Variants in UNC5C observed in about 807,000 individuals in gnomAD.
UNC5C encodes netrin receptor UNC5C.
Under a neutral mutation model 99.8 loss-of-function variants are expected in UNC5C, and 47 were observed. That is an observed-to-expected ratio of 0.47 (90% CI 0.37 to 0.60). UNC5C has a LOEUF of 0.60. Ranked by LOEUF, UNC5C falls within the 20% of genes least tolerant of loss-of-function variation. The pLI is 0.00. For synonymous variants in UNC5C, 487 were observed against 452.2 expected (o/e 1.08, Z -0.98); for missense variants, 1,062 against 1,165.9 (o/e 0.91, Z 1.30).
At chr4:95,193,193 G>A (rs1163305979) in intron 12 of UNC5C, among the ~76,000 whole-genome samples, 4 of 152,172 alleles carry the variant, frequency 2.6e-5, no homozygotes, top group Non-Finnish European at 4.4e-5. Context: ...CTGCTGCCAC[G>A]AGGCCAGGCA....
At chr4:95,423,441 G>A (rs1012680792) in intron 1 of UNC5C, among the ~76,000 whole-genome samples, 1 of 152,172 alleles carries the variant, frequency 6.6e-6, no homozygotes, top group Non-Finnish European at 1.5e-5. Flanking sequence ...TAACGCCATG[G>A]AATTACGAGG....
chr4:95,317,419 C>T (rs534068094), intron 2 of UNC5C, among the ~76,000 whole-genome samples: 1 of 152,084 alleles, frequency 6.6e-6, no homozygotes, highest in South Asian at 2.1e-4. Flanking sequence ...CTAGGCCAAG[C>T]AAAAATAAGT....
intron 1 of UNC5C, among the ~76,000 whole-genome samples, chr4:95,365,405 ATTTT>A (rs1174317320): frequency 1.4e-5 from 2 of 147,648 alleles, no homozygotes; most frequent in African/African-American, 4.9e-5. Context: ...TATAATATAT[ATTTT>A]ATTTTCTATA....
intron 1 of UNC5C, among the ~76,000 whole-genome samples, chr4:95,386,795 C>T (rs900408077): frequency 1.5e-4 from 23 of 152,112 alleles, no homozygotes; most frequent in East Asian, 1.9e-4. Flanking sequence ...AAAAAAAGCC[C>T]GAGTCTTGTG....
At chr4:95,262,755 C>A (rs2149387369) in intron 4 of UNC5C, among the ~76,000 whole-genome samples, 1 of 151,658 alleles carries the variant, frequency 6.6e-6, no homozygotes, top group East Asian at 1.9e-4. Context: ...GAGTAAAAAC[C>A]TATGGGGGAA....
At chr4:95,324,188 G>A (rs1186385920) in intron 2 of UNC5C, among the ~76,000 whole-genome samples, 5 of 152,322 alleles carry the variant, frequency 3.3e-5, no homozygotes, top group Middle Eastern at 3.4e-3. Flanking sequence ...AGGTGAGGGA[G>A]CATTACATCC....
chr4:95,343,361 C>T (rs987149808), intron 1 of UNC5C, among the ~76,000 whole-genome samples: 2 of 151,992 alleles, frequency 1.3e-5, no homozygotes, highest in South Asian at 4.1e-4. Context: ...GGGAAGAGAC[C>T]AAAATTCTCT....
Position 95,335,530 on chromosome 4 carries a change from T to C in UNC5C, c.226A>G (p.Asn76Asp), listed in dbSNP as rs1343944791. 1 of 1,612,390 alleles carries C rather than the reference T, an allele frequency of 6.2e-7. No individual in the cohort carries two copies. The highest frequency in any genetic ancestry group is 8.5e-7 in the Non-Finnish European group (1 of 1,178,896). The change falls in exon 2 of 16, where the codon AAT (asparagine) becomes GAT (aspartate). Residue 76 changes from asparagine (N) to aspartate (D), a missense_variant. Asn to Asp is a conservative substitution (Grantham distance 23). This residue lies in a region of UNC5C where 249 missense variants were observed against 295.1 expected (regional missense o/e 0.84). Coordinates refer to ENST00000453304, the MANE Select transcript of UNC5C (RefSeq NM_003728.4). ...IEPEEAYIVK[N>D]KPVNLYCKAS... The stretch of plus-strand genomic sequence containing the variant: ...TTACAGTACAGGTTCACGGGCTTAT[T>C]CTTCACAATATAAGCTTCTTCAGGC...
At chr4:95,305,060 C>A (rs967705448) in intron 2 of UNC5C, among the ~76,000 whole-genome samples, 1 of 152,188 alleles carries the variant, frequency 6.6e-6, no homozygotes, top group Non-Finnish European at 1.5e-5. Context: ...GGCTCAGGCT[C>A]CCTGTGGGCA....
chr4:95,497,557 T>C (rs1721663482), intron 1 of UNC5C, among the ~76,000 whole-genome samples: 1 of 151,940 alleles, frequency 6.6e-6, no homozygotes, highest in African/African-American at 2.4e-5. Flanking sequence ...TGGGCTATAC[T>C]CATGTGGAAA....
intron 1 of UNC5C, among the ~76,000 whole-genome samples, chr4:95,425,776 T>A (rs1397031155): frequency 2.0e-5 from 3 of 152,268 alleles, no homozygotes; most frequent in Non-Finnish European, 4.4e-5. Context: ...ATTTCAACTT[T>A]AAAAATTAAA....
At chr4:95,191,395 C>T (rs758528236) in intron 12 of UNC5C, among the ~76,000 whole-genome samples, 2 of 152,108 alleles carry the variant, frequency 1.3e-5, no homozygotes, top group Non-Finnish European at 2.9e-5. Flanking sequence ...CAAGTCTGCC[C>T]CCAGGGTCCA....
intron 1 of UNC5C, among the ~76,000 whole-genome samples, chr4:95,336,145 T>C (rs1579335886): frequency 6.6e-6 from 1 of 151,980 alleles, no homozygotes; most frequent in East Asian, 1.9e-4. Context: ...TCAAAAGATG[T>C]CATTGTGTGA....
At chr4:95,373,893 T>G (rs1744816629) in intron 1 of UNC5C, among the ~76,000 whole-genome samples, 1 of 152,204 alleles carries the variant, frequency 6.6e-6, no homozygotes, top group South Asian at 2.1e-4. Context: ...CTAAATATGA[T>G]GAAGTTATTT....
chr4:95,448,304 T>C (rs1747180956), intron 1 of UNC5C, among the ~76,000 whole-genome samples: 1 of 147,898 alleles, frequency 6.8e-6, no homozygotes, highest in Non-Finnish European at 1.5e-5. Context: ...GGAAGAACAA[T>C]GAAGCATGGT....
At position 95,173,488 on chromosome 4, in the gene UNC5C, A is replaced by G. The variant is rs1483721769; in HGVS notation, c.2452-3156T>C. On this transcript the variant is annotated intron_variant, in intron 14 of 15. Transcript: ENST00000453304. ...TTTGTCAAAGGCCTTTTCTGCATCT[A>G]TTGAGATAATCATGTGGTTTTTGTC... 1.5e-4 allele frequency among the ~76,000 whole-genome samples: 22 copies of G among 149,486 alleles called. No individual in the cohort carries two copies. In the South Asian group the frequency reaches 3.2e-3, roughly 22 times the overall value.
chr4:95,258,540 A>T (rs2149385435), intron 4 of UNC5C, among the ~76,000 whole-genome samples: 1 of 152,220 alleles, frequency 6.6e-6, no homozygotes, highest in South Asian at 2.1e-4. Flanking sequence ...ATGTTCAAAC[A>T]ATTTCTGTCC....
chr4:95,189,686 G>A (rs1014083008), intron 12 of UNC5C, among the ~76,000 whole-genome samples: 1 of 152,174 alleles, frequency 6.6e-6, no homozygotes, highest in Non-Finnish European at 1.5e-5. Context: ...CGAAGGATAT[G>A]AACAGACACT....
At chr4:95,357,628 T>C (rs192161323) in intron 1 of UNC5C, among the ~76,000 whole-genome samples, 1 of 151,722 alleles carries the variant, frequency 6.6e-6, no homozygotes. Flanking sequence ...TACAAAAAAT[T>C]AAAAAAAGGA....
Sources: allele counts gnomAD v4.1 joint callset (sites outside exome capture counted in the v4.1 genomes callset), GRCh38; gene constraint gnomAD v4.1.1; regional missense constraint gnomAD v4.1.1; transcripts MANE v1.5; gene names NCBI Gene and HGNC (gene_info 2026-07-23, HGNC 2026-07-21).